The following NOL6 variants were observed in gnomAD, a reference collection of about 807,000 sequenced individuals.
NOL6 encodes the protein nucleolar protein 6, also known as nucleolar RNA-associated protein.
NOL6 carries 33 observed loss-of-function variants against 131.7 expected under a neutral mutation model. The observed-to-expected ratio is 0.25, with a 90% confidence interval of 0.19 to 0.33. NOL6 has a LOEUF of 0.33. NOL6 is among the 10% of genes least tolerant of loss of function. The pLI, the probability that NOL6 is intolerant of heterozygous loss-of-function variation, is 1.00. For synonymous variants in NOL6, 580 were observed against 605.7 expected (o/e 0.96, Z 0.62); for missense variants, 1,297 against 1,494.5 (o/e 0.87, Z 2.18).
chr9:33,469,838 G>C (rs1470431431), intron 4 of NOL6, 171 bp from the exon 5 acceptor site: 1 of 1,026,406 alleles, frequency 9.7e-7, no homozygotes, highest in Non-Finnish European at 1.4e-6. Flanking sequence ...AGCTCCAAAA[G>C]GACAGCAACT....
Position 33,462,254 on chromosome 9 carries a change from G to GCACA in NOL6, c.*406_*409dup, listed in dbSNP as rs1827114014. The GCACA allele has an allele frequency of 1.4e-6, 1 of 716,236 alleles. No individual in the cohort carries two copies. The highest frequency in any genetic ancestry group is 2.6e-6 in the Non-Finnish European group (1 of 385,000). 44.4% of individuals were successfully genotyped at this position (716,236 alleles called of 1,614,324 possible). On this transcript the variant is annotated 3_prime_UTR_variant, in exon 26 of 26. Transcript: ENST00000297990. ...GCAGTGAAGGGCATGCTAAGTCTAG[G>GCACA]CACAGGTCCTGGCAGCAGGAAGGAG...
In NOL6 at chr9:33,463,885, G is replaced by T. The variant is rs116453491; in HGVS notation, c.2940C>A (p.Ala980=). The T allele has an allele frequency of 2.5e-6, 4 of 1,614,096 alleles. No individual in the cohort carries two copies. In the East Asian group the frequency reaches 8.9e-5, roughly 36 times the overall value. Residue 980 remains alanine, a synonymous_variant, in exon 23 of 26, where the codon GCC becomes GCA. Coordinates refer to ENST00000297990, the MANE Select transcript of NOL6 (RefSeq NM_022917.5). The stretch of plus-strand genomic sequence containing the variant: ...TGAGCTGCTTCTCTAACATGGGCAG[G>T]GCTTCAGCTGCCAGGACCACAAGCT... ...LQQLVVLAAE[A]LPMLEKQLMD...
Position 33,462,382 on chromosome 9 carries a change from G to A in NOL6, c.*282C>T. The A allele has an allele frequency of 1.6e-6, 1 of 633,128 alleles. No individual in the cohort carries two copies. The highest frequency in any genetic ancestry group is 1.8e-5 in the South Asian group (1 of 55,566). The allele number at this position is 633,128 out of a possible 1,614,324, so 39.2% of individuals were successfully genotyped here. ...GGTCCAGGCCCAGGGCTAATAGGTG[G>A]ATGGATCTCCTGGGTTCAGTTCCTT... is the stretch of plus-strand genomic sequence containing the variant. On this transcript the variant is annotated 3_prime_UTR_variant, in exon 26 of 26. Transcript: ENST00000297990.
At chr9:33,470,841 T>C (rs562885172) in intron 3 of NOL6, among the ~76,000 whole-genome samples, 1 of 151,842 alleles carries the variant, frequency 6.6e-6, no homozygotes, top group Non-Finnish European at 1.5e-5. Context: ...CTCCCTAGTT[T>C]GAGGAGCCAC....
Position 33,462,572 on chromosome 9 carries a change from A to G in NOL6, c.*92T>C. The G allele has an allele frequency of 1.4e-6, 2 of 1,425,558 alleles. No homozygotes were observed. The highest frequency in any genetic ancestry group is 1.3e-5 in the South Asian group (1 of 78,566). 88.3% of individuals were successfully genotyped at this position (1,425,558 alleles called of 1,614,324 possible). A position where few individuals can be genotyped will look rare whatever the true frequency, so the allele number is the denominator to read the frequency against. ...CCAGCAGGCCCTCCATGGAGGATTC[A>G]TGTCCAAGGAGGGTGGAGGTCATCC... On this transcript the variant is annotated 3_prime_UTR_variant, in exon 26 of 26. Coordinates refer to ENST00000297990, the MANE Select transcript of NOL6 (RefSeq NM_022917.5).
chr9:33,468,952 A>T lies in NOL6; in HGVS notation c.1026+6T>A. The T allele has an allele frequency of 1.9e-6, 3 of 1,614,060 alleles. No individual in the cohort carries two copies. The highest frequency in any genetic ancestry group is 2.5e-6 in the Non-Finnish European group (3 of 1,180,006). The stretch of plus-strand genomic sequence containing the variant: ...AGGTAGGGAGGCTGCGCCACCCCCA[A>T]CTCACCTTGTCCAGCTCCCGCTGCC... On this transcript the variant is annotated splice_donor_region_variant and intron_variant, in intron 7 of 25. Transcript: ENST00000297990.
At chr9:33,463,789 A>G (rs1264233440) in intron 23 of NOL6, 42 bp downstream of exon 23, 11 of 1,598,570 alleles carry the variant, frequency 6.9e-6, no homozygotes, top group Non-Finnish European at 9.4e-6. Context: ...CCAAAGACAG[A>G]ATCCCCAGAG....
rs1286184180 is a variant in NOL6, at chr9:33,463,451, G to A, written c.2995-10C>T. The A allele has an allele frequency of 6.3e-7, 1 of 1,596,710 alleles. No individual in the cohort carries two copies. Among genetic ancestry groups the A allele is most frequent in the East Asian group, 2.2e-5 (1 of 44,474 alleles). ...GCGGCCGGAACACTGTCTAAGGAAG[G>A]GGAGAAGGAGGGGTCAGCAGGACCC... On this transcript the variant is annotated splice_polypyrimidine_tract_variant and intron_variant, in intron 23 of 25. Coordinates refer to ENST00000297990, the MANE Select transcript of NOL6 (RefSeq NM_022917.5).
intron 17 of NOL6, 28 bp downstream of exon 17, chr9:33,466,280 T>A (rs781659522): frequency 1.2e-6 from 2 of 1,613,608 alleles, no homozygotes; most frequent in South Asian, 2.2e-5. Context: ...GAACTATCCC[T>A]CCCACTCCCT....
chr9:33,467,637 G>A lies in NOL6; in HGVS notation c.1602+54C>T. On this transcript the variant is annotated intron_variant, in intron 12 of 25. Transcript: ENST00000297990. This position sits in a 1 kb window ranked among gnomAD's most constrained non-coding sequence, Gnocchi z 4.4. ...ATGGTGTGTCCTTTGTGTCTCTTGG[G>A]ACCCTGGATCCAGCCCAACTCAGAC... is the stretch of plus-strand genomic sequence containing the variant. The A allele has an allele frequency of 6.5e-7, 1 of 1,549,994 alleles. No individual in the cohort carries two copies. The highest frequency in any genetic ancestry group is 2.3e-5 in the East Asian group (1 of 44,272).
At position 33,468,125 on chromosome 9, in the gene NOL6, C is replaced by A; in HGVS notation, c.1329G>T (p.Leu443=). The change falls in exon 11 of 26, where the codon CTG becomes CTT. Residue 443 remains leucine, a synonymous_variant. Transcript: ENST00000297990. ...CTCTGCTGTCCAGCAACATCATAGACAGCCGTGCCTCATGCTGTACCTGGA... is the reference window on the plus strand; with the variant it reads ...CTCTGCTGTCCAGCAACATCATAGAAAGCCGTGCCTCATGCTGTACCTGGA... ...TYHQVQHEAR[L]SMMLLDSRAD... The A allele has an allele frequency of 6.2e-7, 1 of 1,614,206 alleles. No homozygotes were observed. Among genetic ancestry groups the A allele is most frequent in the Non-Finnish European group, 8.5e-7 (1 of 1,180,044 alleles).
At position 33,469,064 on chromosome 9, in the gene NOL6, A is replaced by C; in HGVS notation, c.920T>G (p.Leu307Arg). The C allele has an allele frequency of 6.2e-7, 1 of 1,614,196 alleles. No homozygotes were observed. Among genetic ancestry groups the C allele is most frequent in the East Asian group, 2.2e-5 (1 of 44,876 alleles). Residue 307 changes from leucine (L) to arginine (R), a missense_variant, in exon 7 of 26, where the codon CTC (leucine) becomes CGC (arginine). Coordinates refer to ENST00000297990, the MANE Select transcript of NOL6 (RefSeq NM_022917.5). ...TGACAGCAGCTGCAAATGGGACTCG[A>C]GAACTGTATCTTGCAGGACCCATGT... ...YNTWVLQDTV[L>R]ESHLQLLSTI...
chr9:33,466,534 T>G, intron 16 of NOL6, 35 bp downstream of exon 16: 1 of 1,612,790 alleles, frequency 6.2e-7, no homozygotes, highest in Non-Finnish European at 8.5e-7. Flanking sequence ...GTGGGGCCAC[T>G]AAGCAGAAAG....
rs1827438724 is a variant in NOL6 at position 33,472,417 on chromosome 9, G to C, written c.55-5C>G. 1 of 1,611,788 alleles carries C rather than the reference G, an allele frequency of 6.2e-7. No homozygotes were observed. The highest frequency in any genetic ancestry group is 1.3e-5 in the African/African-American group (1 of 74,888). On this transcript the variant is annotated splice_polypyrimidine_tract_variant and splice_region_variant and intron_variant, in intron 1 of 25. Coordinates refer to ENST00000297990, the MANE Select transcript of NOL6 (RefSeq NM_022917.5). ...TTCCAGGGCTGGTTCCATCACCTGT[G>C]GCCAGTGAGGGAGAAGCCATTTTGA...
At position 33,462,010 on chromosome 9, in the gene NOL6, G is replaced by GTC; in HGVS notation, c.*653_*654insGA. ...TTTTTGCACCTCTCCAAGATTGGGTGACTACCAGTCCCCTGACCCCTTCAC... is the reference window on the plus strand; with the variant it reads ...TTTTTGCACCTCTCCAAGATTGGGTGTCACTACCAGTCCCCTGACCCCTTCAC... On this transcript the variant is annotated 3_prime_UTR_variant, in exon 26 of 26. Coordinates refer to ENST00000297990, the MANE Select transcript of NOL6 (RefSeq NM_022917.5). 1.6e-6 allele frequency: 1 copy of GTC among 632,700 alleles called. No homozygotes were observed. The highest frequency in any genetic ancestry group is 2.8e-5 in the East Asian group (1 of 36,236). 39.2% of individuals were successfully genotyped at this position (632,700 alleles called of 1,614,324 possible). A position where few individuals can be genotyped will look rare whatever the true frequency, so the allele number is the denominator to read the frequency against.
rs752069336 is a variant in NOL6 at position 33,467,412 on chromosome 9, T to C, written c.1707A>G (p.Pro569=). The C allele has an allele frequency of 1.2e-6, 2 of 1,614,202 alleles. No individual in the cohort carries two copies. The highest frequency in any genetic ancestry group is 1.7e-6 in the Non-Finnish European group (2 of 1,180,024). The change falls in exon 13 of 26, where the codon CCA becomes CCG. Residue 569 remains proline, a synonymous_variant. Coordinates refer to ENST00000297990, the MANE Select transcript of NOL6 (RefSeq NM_022917.5). The surrounding 1 kb of genome is among the most constrained non-coding windows in gnomAD (Gnocchi z 4.4). The stretch of plus-strand genomic sequence containing the variant: ...CCCCCACCTCAGGCTGGTCTGCCTC[T>C]GGACCCAGCTCAAGGACGCTGGTCA... ...EGLTSVLELG[P]EADQPEAAKF...
chr9:33,463,291 C>A lies in NOL6; in HGVS notation c.3145G>T (p.Val1049Leu). ...SQPGPSSLMP[V>L]LGYDPPQLYL... ...AGCTGAGGAGGATCATAGCCCAGCA[C>A]GGGCATCAGGGATGAGGGCCCCGGC... The change falls in exon 24 of 26, where the codon GTG becomes TTG. Residue 1049 changes from valine to leucine, a missense_variant. Coordinates refer to ENST00000297990, the MANE Select transcript of NOL6 (RefSeq NM_022917.5). The A allele has an allele frequency of 6.2e-7, 1 of 1,614,046 alleles. No individual in the cohort carries two copies. The highest frequency in any genetic ancestry group is 1.1e-5 in the South Asian group (1 of 91,048).
At chr9:33,470,213 C>G (rs1250779284) in intron 3 of NOL6, 22 bp from the exon 4 acceptor site, 2 of 1,521,818 alleles carry the variant, frequency 1.3e-6, no homozygotes, top group Non-Finnish European at 1.8e-6. Flanking sequence ...GAGACAGGGA[C>G]ACATACTGAT....
Position 33,466,903 on chromosome 9 carries a change from G to A in NOL6, c.1950+9C>T, listed in dbSNP as rs1235837826. 6.2e-7 allele frequency: 1 copy of A among 1,613,460 alleles called. No individual in the cohort carries two copies. Among genetic ancestry groups the A allele is most frequent in the East Asian group, 2.2e-5 (1 of 44,892 alleles). The stretch of plus-strand genomic sequence containing the variant: ...CTACAATCACTAGCCTTGACCCCAA[G>A]ACCCTTACCTCTTTCAGGCCTTGGA... On this transcript the variant is annotated intron_variant, in intron 15 of 25. Coordinates refer to ENST00000297990, the MANE Select transcript of NOL6 (RefSeq NM_022917.5).
Sources: allele counts gnomAD v4.1 joint callset (sites outside exome capture counted in the v4.1 genomes callset), GRCh38; gene constraint gnomAD v4.1.1; non-coding constraint Gnocchi (gnomAD v3.1); transcripts MANE v1.5; gene names NCBI Gene and HGNC (gene_info 2026-07-23, HGNC 2026-07-21).